Variants in NEO1 observed in about 807,000 individuals in gnomAD.
NEO1 encodes the protein neogenin.
A neutral mutation model predicts 159.7 loss-of-function variants in NEO1; 63 were observed. The observed-to-expected ratio is 0.39, with a 90% CI of 0.32 to 0.49. The LOEUF is 0.49. NEO1 is among the 20% of genes least tolerant of loss of function. NEO1 has a pLI of 0.85. For synonymous variants in NEO1, 633 were observed against 662.0 expected (o/e 0.96, Z 0.67); for missense variants, 1,615 against 1,831.0 (o/e 0.88, Z 2.15).
chr15:73,106,944 A>G (rs928850446), intron 1 of NEO1, among the ~76,000 whole-genome samples: 1 of 152,190 alleles, frequency 6.6e-6, no homozygotes, highest in Non-Finnish European at 1.5e-5. Context: ...AGGACTAGAT[A>G]TTGGATCCCT....
chr15:73,172,383 TA>T (rs962130373), intron 5 of NEO1, among the ~76,000 whole-genome samples: 1 of 152,182 alleles, frequency 6.6e-6, no homozygotes, highest in African/African-American at 2.4e-5. Context: ...TAAATGGTTA[TA>T]AGTGGAAAGC....
chr15:73,301,583 C>CTT (rs1185836730), intron 28 of NEO1, 126 bp downstream of exon 28: 12 of 1,245,490 alleles, frequency 9.6e-6, no homozygotes, highest in Non-Finnish European at 1.2e-5. Flanking sequence ...AGCAGATACA[C>CTT]TCATTCATTC....
chr15:73,227,760 A>G (rs2038674390), intron 7 of NEO1, among the ~76,000 whole-genome samples: 1 of 152,220 alleles, frequency 6.6e-6, no homozygotes, highest in Non-Finnish European at 1.5e-5. Context: ...ATACTGTTCT[A>G]AACATAGTAG....
At chr15:73,211,393 A>C (rs2037553629) in intron 7 of NEO1, among the ~76,000 whole-genome samples, 1 of 152,166 alleles carries the variant, frequency 6.6e-6, no homozygotes, top group Non-Finnish European at 1.5e-5. Context: ...CAGCAGTCTC[A>C]GTGAGACTGA....
In NEO1 at chr15:73,272,451, G is replaced by A. The variant is rs371478269; in HGVS notation, c.2858-4G>A. 1.2e-6 allele frequency: 2 copies of A among 1,606,942 alleles called. No individual in the cohort carries two copies. The highest frequency in any genetic ancestry group is 1.1e-5 in the South Asian group (1 of 90,686). On this transcript the variant is annotated splice_region_variant and splice_polypyrimidine_tract_variant and intron_variant, in intron 18 of 28. Transcript: ENST00000261908. The stretch of plus-strand genomic sequence containing the variant: ...AAATTATTAAAAATTTTGTTATTTT[G>A]TAGTTCCGACTTCTCCACCCAAGGA...
intron 5 of NEO1, among the ~76,000 whole-genome samples, chr15:73,172,677 A>G (rs981469836): frequency 6.6e-6 from 1 of 152,238 alleles, no homozygotes; most frequent in Admixed American, 6.5e-5. Flanking sequence ...AATTTAGTTA[A>G]ATGATATAAT....
chr15:73,303,720 G>A lies in NEO1; in HGVS notation c.*1024G>A, dbSNP rs17830980. 1,418 of 152,328 alleles carry A rather than the reference G, an allele frequency of 9.3e-3. 9 individuals are homozygous for A. Among genetic ancestry groups the A allele is most frequent in the Admixed American group, 0.015 (224 of 15,308 alleles). The allele number at this position is 152,328 out of a possible 1,614,324, so 9.4% of individuals were successfully genotyped here. A position where few individuals can be genotyped will look rare whatever the true frequency, so the allele number is the denominator to read the frequency against. Reference sequence around the variant, plus strand: ...GGTTTGAGGATTTAGCGGCCCTGATGTCTTGGTCATAGCCTGGTAAGAATG... The same window carrying A: ...GGTTTGAGGATTTAGCGGCCCTGATATCTTGGTCATAGCCTGGTAAGAATG... On this transcript the variant is annotated 3_prime_UTR_variant, in exon 29 of 29. Transcript: ENST00000261908.
At chr15:73,283,500 G>T (rs991617420) in intron 23 of NEO1, among the ~76,000 whole-genome samples, 13 of 152,180 alleles carry the variant, frequency 8.5e-5, no homozygotes, top group African/African-American at 2.7e-4. Flanking sequence ...GGTGCTAGAG[G>T]CATGCAGCCA....
Position 73,279,988 on chromosome 15 carries a change from A to G in NEO1, c.3262+1789A>G, listed in dbSNP as rs186513292. Among the ~76,000 whole-genome samples the G allele has an allele frequency of 2.3e-3, 357 of 152,362 alleles. 1 individual carries two copies. Among genetic ancestry groups the G allele is most frequent in the African/African-American group, 8.2e-3 (342 of 41,586 alleles). On this transcript the variant is annotated intron_variant, in intron 22 of 28. Coordinates refer to ENST00000261908, the MANE Select transcript of NEO1 (RefSeq NM_002499.4). ...ACCAGTGCTAAGAAATATGAGCTTTATCCTACAAATAACATGTGAAATATC... is the reference window on the plus strand; with the variant it reads ...ACCAGTGCTAAGAAATATGAGCTTTGTCCTACAAATAACATGTGAAATATC...
chr15:73,219,089 T>G (rs1464757970), intron 7 of NEO1, among the ~76,000 whole-genome samples: 1 of 151,348 alleles, frequency 6.6e-6, no homozygotes, highest in African/African-American at 2.4e-5. Flanking sequence ...TACACACTGC[T>G]TTGAATGCGT....
chr15:73,232,062 C>A (rs749439284), intron 7 of NEO1, among the ~76,000 whole-genome samples: 27 of 152,272 alleles, frequency 1.8e-4, no homozygotes, highest in Non-Finnish European at 2.1e-4. Flanking sequence ...TTTGTAATGA[C>A]TGCCTTTTTT....
rs200006363 is a variant in NEO1 at position 73,126,456 on chromosome 15, C to T, written c.764C>T (p.Pro255Leu). Residue 255 changes from proline (P) to leucine (L), a missense_variant, in exon 4 of 29, where the codon CCT (proline) becomes CTT (leucine). This residue lies in a region of NEO1 where 1,018 missense variants were observed against 1,115.4 expected (regional missense o/e 0.91). Coordinates refer to ENST00000261908, the MANE Select transcript of NEO1 (RefSeq NM_002499.4). ...TCAGACTTGGTATTTTTGAAACAGC[C>T]TTCTCCCTTAGTCAGAGTCATTGGT... ...VISDLVFLKQ[P>L]SPLVRVIGQD... 6 of 1,610,052 alleles carry T rather than the reference C, an allele frequency of 3.7e-6. No individual in the cohort carries two copies. In the East Asian group the frequency reaches 1.3e-4, roughly 36 times the overall value.
rs147916020 is a variant in NEO1 at position 73,108,528 on chromosome 15, G to A, written c.131-8012G>A. Reference sequence around the variant, plus strand: ...GGCCCAGGCACCTTTCCTACCTATAGGACACTGAAAAAGGATAAAACAAAA... The same window carrying A: ...GGCCCAGGCACCTTTCCTACCTATAAGACACTGAAAAAGGATAAAACAAAA... On this transcript the variant is annotated intron_variant, in intron 1 of 28. Transcript: ENST00000261908. Among the ~76,000 whole-genome samples, 168 of 152,084 alleles carry A rather than the reference G, an allele frequency of 1.1e-3. 3 individuals carry two copies. Among genetic ancestry groups the A allele is most frequent in the Middle Eastern group, 0.01 (3 of 294 alleles).
chr15:73,301,913 C>T (rs1287563632), intron 28 of NEO1, among the ~76,000 whole-genome samples: 2 of 152,210 alleles, frequency 1.3e-5, no homozygotes, highest in East Asian at 1.9e-4. Context: ...AGGTGATCCA[C>T]CTGCCTCAGC....
At chr15:73,102,736 G>A (rs954804717) in intron 1 of NEO1, among the ~76,000 whole-genome samples, 3 of 151,892 alleles carry the variant, frequency 2.0e-5, no homozygotes, top group Admixed American at 6.6e-5. Flanking sequence ...ACAGAATTTG[G>A]TCCCCAGCTT....
chr15:73,273,193 G>T (rs1403524866), intron 19 of NEO1, among the ~76,000 whole-genome samples: 1 of 152,098 alleles, frequency 6.6e-6, no homozygotes, highest in East Asian at 1.9e-4. Flanking sequence ...AAGCCTGATG[G>T]GGTTCAGCTG....
chr15:73,221,715 G>C (rs1284378962), intron 7 of NEO1: 1 of 154,500 alleles, frequency 6.5e-6, no homozygotes, highest in African/African-American at 2.4e-5. Flanking sequence ...GACTCTGTGG[G>C]CGTGGGACCC....
intron 1 of NEO1, among the ~76,000 whole-genome samples, chr15:73,097,132 A>G (rs2070091734): frequency 6.6e-6 from 1 of 152,132 alleles, no homozygotes; most frequent in South Asian, 2.1e-4. Context: ...TCTCAAAAAA[A>G]CAATTAATAA....
In NEO1 at chr15:73,293,457, C is replaced by G; in HGVS notation, c.3810C>G (p.Leu1270=). The change falls in exon 26 of 29, where the codon CTC becomes CTG. Residue 1270 remains leucine, a synonymous_variant. Transcript: ENST00000261908. ...NPHHHFHSSS[L]ASPARSHLYH... ...ACCATCATTTCCACTCCAGCAGCCT[C>G]GCTTCTCCAGCTCGCAGTCATCTCT... 1.9e-6 allele frequency: 3 copies of G among 1,614,186 alleles called. No individual in the cohort carries two copies. Among genetic ancestry groups the G allele is most frequent in the Non-Finnish European group, 2.5e-6 (3 of 1,180,034 alleles).
Sources: gnomAD v4.1 joint callset for allele counts (sites outside exome capture counted in the v4.1 genomes callset) on GRCh38, gnomAD v4.1.1 for gene constraint, gnomAD v4.1.1 regional missense constraint, MANE v1.5 for transcripts, NCBI Gene and HGNC (gene_info 2026-07-23, HGNC 2026-07-21) for gene names.